The following RUVBL1 variants were observed in gnomAD, a reference collection of about 807,000 sequenced individuals.
RUVBL1 encodes the protein ruvB-like 1.
Under a neutral mutation model 52.4 loss-of-function variants are expected in RUVBL1, and 4 were observed. The observed-to-expected ratio is 0.08, with a 90% confidence interval of 0.04 to 0.17. The LOEUF (loss-of-function observed/expected upper bound fraction) is 0.17, where lower values mean the gene tolerates loss of function less well. Ranked by LOEUF, RUVBL1 falls within the 10% of genes least tolerant of loss-of-function variation. The probability of loss-of-function intolerance (pLI) is 1.00; values close to 1 mark genes in which losing one functional copy is unlikely to be tolerated. For missense variants in RUVBL1, 298 were observed against 572.8 expected, an observed-to-expected ratio of 0.52 and a Z score of 4.90; for synonymous variants, 217 against 214.4, an observed-to-expected ratio of 1.01 and a Z score of -0.10.
chr3:128,071,728 A>C (rs1942172584), intron 9 of RUVBL1: 1 of 152,690 alleles, frequency 6.5e-6, no homozygotes. Context: ...TATTCCCAAA[A>C]AGGCCAGTGA....
chr3:128,130,406 C>T (rs1943854486), intron 1 of RUVBL1, among the ~76,000 whole-genome samples: 1 of 151,778 alleles, frequency 6.6e-6, no homozygotes, highest in African/African-American at 2.4e-5. Context: ...CCAAAAGTCT[C>T]CCTATAAAGA....
chr3:128,083,894 A>G (rs1942556505), intron 9 of RUVBL1: 1 of 152,328 alleles, frequency 6.6e-6, no homozygotes, highest in Admixed American at 6.5e-5. Flanking sequence ...CCTGACCAAC[A>G]TGGCGAAACC....
downstream of RUVBL1, among the ~76,000 whole-genome samples, chr3:128,080,109 T>G (rs1178174859): frequency 6.6e-6 from 1 of 152,122 alleles, no homozygotes; most frequent in East Asian, 1.9e-4. Flanking sequence ...CCTTGCTGCT[T>G]ACTTAGTGGG....
intron 1 of RUVBL1, among the ~76,000 whole-genome samples, chr3:128,132,047 T>C (rs1943884818): frequency 6.6e-6 from 1 of 152,204 alleles, no homozygotes; most frequent in South Asian, 2.1e-4. Flanking sequence ...TCTCATCCCC[T>C]GCCTGAGGCC....
chr3:128,072,484 A>G (rs534927113), intron 9 of RUVBL1, among the ~76,000 whole-genome samples: 1 of 152,314 alleles, frequency 6.6e-6, no homozygotes, highest in South Asian at 2.1e-4. Context: ...TTCCTCTGAG[A>G]CCACCTGATG....
intron 9 of RUVBL1, among the ~76,000 whole-genome samples, chr3:128,072,985 C>T (rs1198268047): frequency 6.6e-6 from 1 of 152,170 alleles, no homozygotes; most frequent in Non-Finnish European, 1.5e-5. Flanking sequence ...TACATGTGCT[C>T]TCACTTCACC....
intron 9 of RUVBL1, among the ~76,000 whole-genome samples, chr3:128,085,311 C>G (rs1026864315): frequency 1.3e-5 from 2 of 152,232 alleles, no homozygotes; most frequent in African/African-American, 2.4e-5. Context: ...TCAAGTCATT[C>G]AGTAGGCAAA....
downstream of RUVBL1, among the ~76,000 whole-genome samples, chr3:128,080,053 G>A (rs1942427361): frequency 1.3e-5 from 2 of 152,178 alleles, no homozygotes; most frequent in South Asian, 4.1e-4. Context: ...TCATCCTACT[G>A]GGAAGGCACA....
chr3:128,069,633 G>C (rs768324927), intron 9 of RUVBL1: 2 of 1,614,126 alleles, frequency 1.2e-6, no homozygotes, highest in South Asian at 2.2e-5. Flanking sequence ...GCAAAGCGAG[G>C]TTGGCAGCAT....
intron 1 of RUVBL1, among the ~76,000 whole-genome samples, chr3:128,150,729 T>C (rs1219341919): frequency 8.3e-6 from 1 of 120,570 alleles, no homozygotes; most frequent in African/African-American, 3.2e-5. Flanking sequence ...TTATATATTC[T>C]ATATATATTC....
chr3:128,147,241 T>C (rs961625961), intron 1 of RUVBL1, among the ~76,000 whole-genome samples: 1 of 152,092 alleles, frequency 6.6e-6, no homozygotes, highest in Non-Finnish European at 1.5e-5. Context: ...GGCTAATTTT[T>C]GTGTTTTTTG....
intron 2 of RUVBL1, among the ~76,000 whole-genome samples, chr3:128,118,599 T>G (rs1943577073): frequency 1.1e-5 from 1 of 94,906 alleles, no homozygotes; most frequent in South Asian, 3.3e-4. Flanking sequence ...GAGTTTCAAG[T>G]ATCTGGCCAG....
At chr3:128,139,624 C>T (rs932357973) in intron 1 of RUVBL1, among the ~76,000 whole-genome samples, 2 of 152,190 alleles carry the variant, frequency 1.3e-5, no homozygotes, top group African/African-American at 4.8e-5. Flanking sequence ...TACTGCAGCA[C>T]TATTCACAAT....
chr3:128,105,653 T>A (rs994060771), intron 3 of RUVBL1, among the ~76,000 whole-genome samples: 1 of 152,108 alleles, frequency 6.6e-6, no homozygotes, highest in Non-Finnish European at 1.5e-5. Context: ...ACCAGTGGAA[T>A]AACTCATTAC....
intron 2 of RUVBL1, 148 bp from the exon 3 acceptor site, chr3:128,113,168 T>G: frequency 1.1e-6 from 1 of 876,300 alleles, no homozygotes; most frequent in Non-Finnish European, 1.7e-6. Context: ...GTTTGATGAC[T>G]TTTGTGGACA....
At chr3:128,111,873 C>T (rs948623013) in intron 3 of RUVBL1, among the ~76,000 whole-genome samples, 2 of 152,164 alleles carry the variant, frequency 1.3e-5, no homozygotes, top group African/African-American at 4.8e-5. Flanking sequence ...CTGGTACAGG[C>T]ACTCTGACTA....
chr3:128,077,129 G>A (rs13099396), downstream of RUVBL1, among the ~76,000 whole-genome samples: 38,019 of 151,834 alleles, frequency 0.25, 5,037 homozygotes, highest in Non-Finnish European at 0.28. Flanking sequence ...AGCCGCATCC[G>A]TCGCCGAGAC....
downstream of RUVBL1, chr3:128,078,810 G>A (rs922586859): frequency 6.6e-6 from 1 of 152,168 alleles, no homozygotes; most frequent in Non-Finnish European, 1.5e-5. Context: ...TAAAAACTTC[G>A]CCCGGAAGAT....
chr3:128,143,467 C>T (rs973184968), intron 1 of RUVBL1, among the ~76,000 whole-genome samples: 6 of 152,134 alleles, frequency 3.9e-5, no homozygotes, highest in Non-Finnish European at 5.9e-5. Context: ...CACAGTGCCC[C>T]GCCAAGACCC....
Sources: allele counts gnomAD v4.1 joint callset (sites outside exome capture counted in the v4.1 genomes callset), GRCh38; gene constraint gnomAD v4.1.1; transcripts MANE v1.5; gene names NCBI Gene and HGNC (gene_info 2026-07-23, HGNC 2026-07-21).